The following CNTRL variants were observed in gnomAD, a reference collection of about 807,000 sequenced individuals.
The protein encoded by CNTRL is 110 kDa centrosomal protein.
A neutral mutation model predicts 303.7 loss-of-function variants in CNTRL; 233 were observed. The observed-to-expected ratio is 0.77, with a 90% CI of 0.69 to 0.86. The LOEUF (loss-of-function observed/expected upper bound fraction) is 0.86. Among genes scored for constraint, CNTRL ranks in the 40% least tolerant of loss-of-function variants. The pLI is 0.00. For missense variants in CNTRL, 2,524 were observed against 2,650.6 expected (o/e 0.95, Z 1.05); for synonymous variants, 900 against 922.2 (o/e 0.98, Z 0.44).
intron 2 of CNTRL, among the ~76,000 whole-genome samples, chr9:121,081,077 A>C (rs1294380198): frequency 1.3e-5 from 2 of 152,188 alleles, no homozygotes; most frequent in Non-Finnish European, 2.9e-5. Context: ...ACCTCTCCAG[A>C]TTTCTCTTGG....
In CNTRL at chr9:121,148,722, G is replaced by A. The variant is rs2052025878; in HGVS notation, c.3510G>A (p.Lys1170=). The A allele has an allele frequency of 6.2e-7, 1 of 1,614,080 alleles. No individual in the cohort carries two copies. Among genetic ancestry groups the A allele is most frequent in the Non-Finnish European group, 8.5e-7 (1 of 1,179,994 alleles). ...QATKDSGVGL[K]YSASTPVRKP... is the part of the protein sequence containing the mutation. ...CCAAGGACTCTGGTGTTGGCCTTAA[G>A]TACTCAGCCTCAACTCCTGTTAGAA... The change falls in exon 24 of 44, where the codon AAG becomes AAA. Residue 1170 remains lysine (K), a synonymous_variant. Transcript: ENST00000373855.
intron 8 of CNTRL, among the ~76,000 whole-genome samples, chr9:121,110,483 A>AG (rs2049698220): frequency 6.6e-6 from 1 of 152,110 alleles, no homozygotes; most frequent in Non-Finnish European, 1.5e-5. Context: ...TTAACTCTCC[A>AG]AGTGACGGTA....
At chr9:121,092,493 ATC>A (rs2048636430) in intron 4 of CNTRL, among the ~76,000 whole-genome samples, 2 of 76,850 alleles carry the variant, frequency 2.6e-5, no homozygotes, top group African/African-American at 6.1e-5. Flanking sequence ...TATAATATAT[ATC>A]TATATATATA....
chr9:121,096,733 T>C (rs936761725), intron 6 of CNTRL, among the ~76,000 whole-genome samples, 170 bp downstream of exon 6: 5 of 152,196 alleles, frequency 3.3e-5, no homozygotes, highest in African/African-American at 1.2e-4. Context: ...ATACAAGCAG[T>C]CCTCATTTTG....
intron 1 of CNTRL, among the ~76,000 whole-genome samples, chr9:121,076,568 A>C (rs986265424): frequency 2.0e-5 from 3 of 152,094 alleles, no homozygotes; most frequent in African/African-American, 7.2e-5. Context: ...CAGCTTGGGA[A>C]GTCTGGATGG....
intron 7 of CNTRL, among the ~76,000 whole-genome samples, chr9:121,104,056 C>T (rs978587085): frequency 6.6e-6 from 1 of 152,228 alleles, no homozygotes; most frequent in Non-Finnish European, 1.5e-5. Context: ...AATCATGCCA[C>T]TATAAAGACA....
At chr9:121,171,232 T>G (rs1404219019) in intron 39 of CNTRL, 176 bp from the exon 40 acceptor site, 1 of 701,382 alleles carries the variant, frequency 1.4e-6, no homozygotes, top group African/African-American at 1.8e-5. Flanking sequence ...GACGTGTATA[T>G]ACGCCCAGCT....
chr9:121,151,312 G>A (rs1464597440), intron 25 of CNTRL, among the ~76,000 whole-genome samples: 1 of 147,688 alleles, frequency 6.8e-6, no homozygotes, highest in East Asian at 2.0e-4. Context: ...AATTCTTACT[G>A]TATCTCTTAG....
rs2052464389 is a variant in CNTRL, at chr9:121,154,652, A to G, written c.4173-69A>G. On this transcript the variant is annotated intron_variant, in intron 26 of 43. Transcript: ENST00000373855. ...GAAAATCATTGTAGATCTTTTTAGT[A>G]GTTAGGCTACAAGTATCTGTATTGT... The G allele has an allele frequency of 3.5e-6, 3 of 856,754 alleles. No individual in the cohort carries two copies. In the Admixed American group the frequency reaches 7.3e-5, roughly 21 times the overall value. The allele number at this position is 856,754 out of a possible 1,614,324, so 53.1% of individuals were successfully genotyped here.
In CNTRL at chr9:121,150,412, C is replaced by A; in HGVS notation, c.3892C>A (p.Pro1298Thr). 6.2e-7 allele frequency: 1 copy of A among 1,614,016 alleles called. No individual in the cohort carries two copies. The highest frequency in any genetic ancestry group is 8.5e-7 in the Non-Finnish European group (1 of 1,179,948). ...GGCCCCCATGGTGTATGGGCCTCCA[C>A]CCCCCAACTTCTCCATCCCCTTCAT... is the stretch of plus-strand genomic sequence containing the variant. ...AGAPMVYGPP[P>T]PNFSIPFIPM... Residue 1298 changes from proline to threonine, a missense_variant, in exon 25 of 44, where the codon CCC becomes ACC. Transcript: ENST00000373855.
chr9:121,157,341 C>T (rs1449435411), intron 27 of CNTRL, 129 bp from the exon 28 acceptor site: 3 of 838,804 alleles, frequency 3.6e-6, no homozygotes, highest in East Asian at 2.6e-5. Flanking sequence ...ATTAGAGTTA[C>T]AGTGAATGGA....
Position 121,158,880 on chromosome 9 carries a change from C to G in CNTRL, c.4790C>G (p.Ala1597Gly), listed in dbSNP as rs199541476. The change falls in exon 31 of 44, where the codon GCT (alanine) becomes GGT (glycine). Residue 1597 changes from alanine (A) to glycine (G), a missense_variant. Ala to Gly is a moderately conservative substitution (Grantham distance 60). Coordinates refer to ENST00000373855, the MANE Select transcript of CNTRL (RefSeq NM_007018.6). Reference protein sequence around the residue: ...SQVTSQQQEMAVLDRQLGHKK... With the variant: ...SQVTSQQQEMGVLDRQLGHKK... Reference sequence around the variant, plus strand: ...GTGACAAGTCAGCAGCAGGAGATGGCTGTCTTGGACAGGCAGTTAGGGCAT... The same window carrying G: ...GTGACAAGTCAGCAGCAGGAGATGGGTGTCTTGGACAGGCAGTTAGGGCAT... 1.2e-6 allele frequency: 2 copies of G among 1,613,924 alleles called. No homozygotes were observed. Among genetic ancestry groups the G allele is most frequent in the Non-Finnish European group, 1.7e-6 (2 of 1,180,000 alleles).
chr9:121,140,916 T>A, intron 17 of CNTRL, 130 bp downstream of exon 17: 1 of 837,796 alleles, frequency 1.2e-6, no homozygotes, highest in Non-Finnish European at 1.7e-6. Flanking sequence ...AGGTTCTCCT[T>A]ATGAAGTTTT....
In CNTRL at chr9:121,082,287, G is replaced by T. The variant is rs193004616; in HGVS notation, c.-32+1809G>T. ...TGTTTACCTTATTTGAACATGGTAC[G>T]ATCACTTGACTGCCTGTGATTGAAG... On this transcript the variant is annotated intron_variant, in intron 2 of 43. Transcript: ENST00000373855. Among the ~76,000 whole-genome samples, 7 of 152,254 alleles carry T rather than the reference G, an allele frequency of 4.6e-5. No homozygotes were observed. The South Asian group carries it at 1.0e-3, about 23-fold the overall frequency.
chr9:121,120,733 G>A (rs541632132), intron 12 of CNTRL, among the ~76,000 whole-genome samples: 2 of 152,290 alleles, frequency 1.3e-5, no homozygotes, highest in African/African-American at 4.8e-5. Context: ...ATTCCCACTG[G>A]ATTTCTGTAG....
chr9:121,175,355 C>A (rs970266801), intron 43 of CNTRL, 131 bp downstream of exon 43: 1 of 781,966 alleles, frequency 1.3e-6, no homozygotes, highest in Non-Finnish European at 2.2e-6. Flanking sequence ...CAGCCTTGAC[C>A]TCCCAGGCTC....
At chr9:121,103,002 C>A (rs144180928) in intron 7 of CNTRL, among the ~76,000 whole-genome samples, 1 of 152,112 alleles carries the variant, frequency 6.6e-6, no homozygotes, top group Non-Finnish European at 1.5e-5. Context: ...CAATGCCATC[C>A]CCATCAAGCT....
At chr9:121,172,234 C>G (rs1259364378) in intron 40 of CNTRL, among the ~76,000 whole-genome samples, 1 of 152,210 alleles carries the variant, frequency 6.6e-6, no homozygotes, top group Admixed American at 6.5e-5. Context: ...TTTGCCTTTG[C>G]AAATTTGGTA....
chr9:121,145,721 C>G (rs1380599015), intron 22 of CNTRL, among the ~76,000 whole-genome samples: 2 of 151,874 alleles, frequency 1.3e-5, no homozygotes, highest in African/African-American at 2.4e-5. Flanking sequence ...ATGGTGACAC[C>G]CTGTCTCTAC....
Sources: gnomAD v4.1 joint callset for allele counts (sites outside exome capture counted in the v4.1 genomes callset) on GRCh38, gnomAD v4.1.1 for gene constraint, MANE v1.5 for transcripts, NCBI Gene and HGNC (gene_info 2026-07-23, HGNC 2026-07-21) for gene names.